SYNE2: variants seen among roughly 807,000 people sequenced by gnomAD.
SYNE2 encodes nesprin-2.
SYNE2 carries 431 observed loss-of-function variants against 856.3 expected under a neutral mutation model. That is an observed-to-expected ratio of 0.50 (90% CI 0.47 to 0.55). The LOEUF is 0.55. Ranked by LOEUF, SYNE2 falls within the 20% of genes least tolerant of loss-of-function variation. SYNE2 has a pLI of 0.00. For missense variants in SYNE2, 8,129 were observed against 8,023.2 expected (o/e 1.01, Z -0.50); for synonymous variants, 2,923 against 2,872.3 (o/e 1.02, Z -0.56).
upstream of SYNE2, among the ~76,000 whole-genome samples, chr14:63,850,238 C>T (rs1890365042): frequency 1.4e-5 from 2 of 147,778 alleles, no homozygotes; most frequent in African/African-American, 2.5e-5. Context: ...TGAGCCACCA[C>T]ACCTAGCTTT....
In SYNE2 at chr14:64,075,945, G is replaced by A; in HGVS notation, c.10867G>A (p.Glu3623Lys). ...ATTGCAACTCTCTTAATGCTTTTAGGAGCTTCAAAGCATCCTTAAGAAAGG... is the reference window on the plus strand; with the variant it reads ...ATTGCAACTCTCTTAATGCTTTTAGAAGCTTCAAAGCATCCTTAAGAAAGG... ...DHPEKSEQFE[E>K]LQSILKKGKL... The change falls in exon 54 of 116, where the codon GAG becomes AAG. Residue 3623 changes from glutamate (E) to lysine (K), a missense_variant and splice_region_variant. Glu to Lys is a moderately conservative substitution (Grantham distance 56, BLOSUM62 1). Coordinates refer to ENST00000555002, the MANE Select transcript of SYNE2 (RefSeq NM_182914.3). 6.2e-7 allele frequency: 1 copy of A among 1,613,580 alleles called. No individual in the cohort carries two copies. Among genetic ancestry groups the A allele is most frequent in the Non-Finnish European group, 8.5e-7 (1 of 1,179,740 alleles).
intron 85 of SYNE2, among the ~76,000 whole-genome samples, chr14:64,153,077 A>G (rs2098257301): frequency 6.6e-6 from 1 of 152,202 alleles, no homozygotes; most frequent in South Asian, 2.1e-4. Flanking sequence ...CTCCATGTAC[A>G]GGGAGATGCC....
intron 13 of SYNE2, 91 bp from the exon 14 acceptor site, chr14:63,978,761 A>G: frequency 8.9e-7 from 1 of 1,120,982 alleles, no homozygotes; most frequent in Non-Finnish European, 1.3e-6. Context: ...AGAAAAAGTT[A>G]AAGCCTCAAT....
intron 1 of SYNE2, among the ~76,000 whole-genome samples, chr14:63,862,037 G>T (rs915170444): frequency 2.0e-5 from 3 of 152,020 alleles, no homozygotes; most frequent in Non-Finnish European, 2.9e-5. Context: ...CACCCGTGCT[G>T]GATTATTTTG....
At chr14:64,207,898 G>C (rs1182786724) in intron 100 of SYNE2, 1 of 421,242 alleles carries the variant, frequency 2.4e-6, no homozygotes, top group Admixed American at 2.6e-5. Flanking sequence ...TTGGACATCA[G>C]GGATGCCTAA....
chr14:64,084,455 T>C (rs1214586454), intron 57 of SYNE2: 1 of 152,948 alleles, frequency 6.5e-6, no homozygotes, highest in East Asian at 1.9e-4. Flanking sequence ...TTCCTATTAC[T>C]ATAGTTTTGC....
chr14:63,826,034 G>T (rs1337701681), intron 1 of SYNE2, among the ~76,000 whole-genome samples: 1 of 152,048 alleles, frequency 6.6e-6, no homozygotes, highest in East Asian at 1.9e-4. Context: ...TAAAGAATTG[G>T]ACAAGCTAAT....
In SYNE2 at chr14:64,026,808, C is replaced by T. The variant is rs377472103; in HGVS notation, c.6404+78C>T. ...ATAACAAGTATGTTTTGTCTGCCCC[C>T]TGGGTTTGGATATAATATCTGCTAG... is the stretch of plus-strand genomic sequence containing the variant. On this transcript the variant is annotated intron_variant, in intron 42 of 115. Transcript: ENST00000555002. The T allele has an allele frequency of 5.4e-5, 82 of 1,512,178 alleles. 2 individuals are homozygous for T. The African/African-American group carries it at 8.2e-4, about 15-fold the overall frequency. 93.7% of individuals were successfully genotyped at this position (1,512,178 alleles called of 1,614,324 possible). A position where few individuals can be genotyped will look rare whatever the true frequency, so the allele number is the denominator to read the frequency against.
intron 1 of SYNE2, among the ~76,000 whole-genome samples, chr14:63,820,996 C>T (rs1285095685): frequency 1.3e-5 from 2 of 152,008 alleles, no homozygotes. Flanking sequence ...GGTGATCCAC[C>T]CACCTCAGCC....
intron 96 of SYNE2, among the ~76,000 whole-genome samples, chr14:64,183,976 G>A (rs1338796668): frequency 1.2e-3 from 169 of 139,382 alleles, no homozygotes; most frequent in African/African-American, 4.2e-3. Context: ...GGTGGGGAGG[G>A]GGAGGGGAGG....
Position 64,170,429 on chromosome 14 carries a change from C to A in SYNE2, c.17202C>A (p.Leu5734=), listed in dbSNP as rs7161192. ...SAVKGQERFS[L]YQTRSLIHEL... ...TGAAGGGCCAGGAGCGCTTCAGCCT[C>A]TACCAAACCAGAAGTCTGATCCATG... Residue 5734 remains leucine (L), a synonymous_variant, in exon 94 of 116, where the codon CTC becomes CTA. Transcript: ENST00000555002. 520,559 of 1,612,700 alleles carry A rather than the reference C, an allele frequency of 0.32. 85,557 individuals are homozygous for A. Among genetic ancestry groups the A allele is most frequent in the East Asian group, 0.54 (24,336 of 44,838 alleles).
chr14:63,790,738 C>A (rs1887703087), intron 1 of SYNE2, among the ~76,000 whole-genome samples: 1 of 152,120 alleles, frequency 6.6e-6, no homozygotes, highest in African/African-American at 2.4e-5. Flanking sequence ...GCAGAGGTGT[C>A]TGGCTCTGTG....
chr14:64,112,428 T>C (rs2097818181), intron 65 of SYNE2, among the ~76,000 whole-genome samples: 1 of 152,236 alleles, frequency 6.6e-6, no homozygotes, highest in Non-Finnish European at 1.5e-5. Context: ...TCGATACTAC[T>C]TTTTCCATAT....
At position 64,159,411 on chromosome 14, in the gene SYNE2, A is replaced by G. The variant is rs1366870007; in HGVS notation, c.16063A>G (p.Ile5355Val). 3 of 1,613,964 alleles carry G rather than the reference A, an allele frequency of 1.9e-6. No individual in the cohort carries two copies. The highest frequency in any genetic ancestry group is 2.5e-6 in the Non-Finnish European group (3 of 1,179,860). ...TCTCTGCCCCTCTGTTGCTGAAATAATCGAAGAGAAATGCCAAAATACTCA... is the reference window on the plus strand; with the variant it reads ...TCTCTGCCCCTCTGTTGCTGAAATAGTCGAAGAGAAATGCCAAAATACTCA... ...KGLCPSVAEI[I>V]EEKCQNTHKR... The change falls in exon 87 of 116, where the codon ATC becomes GTC. Residue 5355 changes from isoleucine to valine, a missense_variant. By Grantham distance (29) the Ile-to-Val change is conservative (BLOSUM62 3). Transcript: ENST00000555002.
intron 2 of SYNE2, among the ~76,000 whole-genome samples, chr14:63,915,234 A>T (rs1203852111): frequency 1.3e-5 from 2 of 152,266 alleles, no homozygotes; most frequent in African/African-American, 4.8e-5. Flanking sequence ...TAAAAGCATG[A>T]TGCAGGTGGA....
Position 63,770,014 on chromosome 14 carries a change from A to C in SYNE2, c.-305+8028A>C, listed in dbSNP as rs143559481. Among the ~76,000 whole-genome samples, 480 of 152,068 alleles carry C rather than the reference A, an allele frequency of 3.2e-3. 1 individual carries two copies. The highest frequency in any genetic ancestry group is 0.011 in the African/African-American group (462 of 41,526). ...ACTGCAGCCTTGACCTCCGCGGACA[A>C]GCAATCCTCCTGCCTCAGCCTCCCA... is the stretch of plus-strand genomic sequence containing the variant. On this transcript the variant is annotated intron_variant, in intron 1 of 23. Coordinates refer to the SYNE2 transcript ENST00000674003.
chr14:64,218,102 A>C (rs2098675493), intron 108 of SYNE2: 2 of 380,998 alleles, frequency 5.2e-6, no homozygotes, highest in African/African-American at 2.1e-5. Context: ...TTTCGTGTGG[A>C]TCATTTGAGG....
At chr14:64,069,143 A>G (rs1351209139) in intron 51 of SYNE2, among the ~76,000 whole-genome samples, 1 of 152,150 alleles carries the variant, frequency 6.6e-6, no homozygotes, top group Non-Finnish European at 1.5e-5. Flanking sequence ...GTGTGTAAGC[A>G]CCAAGAGGTG....
chr14:63,983,974 G>C (rs1183046449), intron 18 of SYNE2, 88 bp downstream of exon 18: 2 of 970,868 alleles, frequency 2.1e-6, no homozygotes, highest in Non-Finnish European at 3.1e-6. Flanking sequence ...GGGCACGGTG[G>C]CTCATGCCTG....
Sources: allele counts gnomAD v4.1 joint callset (sites outside exome capture counted in the v4.1 genomes callset), GRCh38; gene constraint gnomAD v4.1.1; transcripts MANE v1.5; gene names NCBI Gene and HGNC (gene_info 2026-07-23, HGNC 2026-07-21).